Variants in PCDH11Y observed in about 807,000 individuals in gnomAD.
PCDH11Y encodes the protein protocadherin 11 Y-linked.
For synonymous variants in PCDH11Y, 9 were observed against 83.6 expected (o/e 0.11, Z 4.87); for missense variants, 12 against 224.8 (o/e 0.05, Z 6.05).
At chrY:5,517,100 C>A in intron 3 of PCDH11Y, among the ~76,000 whole-genome samples, 2 of 33,263 alleles carry the variant, frequency 6.0e-5, no homozygotes, top group African/African-American at 2.3e-4. Context: ...TAAAATCTAA[C>A]AAGAAAATCA....
At chrY:5,457,123 C>A (rs2053299075) in intron 2 of PCDH11Y, among the ~76,000 whole-genome samples, 1 of 33,622 alleles carries the variant, frequency 3.0e-5, no homozygotes, top group Non-Finnish European at 7.4e-5. Context: ...AAATAGCTGA[C>A]CAAACATGAG....
chrY:5,114,870 A>G, intron 2 of PCDH11Y, among the ~76,000 whole-genome samples: 3 of 31,554 alleles, frequency 9.5e-5, no homozygotes, highest in Non-Finnish European at 2.3e-4. Context: ...TCAACCTTAC[A>G]TAATTCTTAT....
At chrY:5,434,641 C>G in intron 2 of PCDH11Y, among the ~76,000 whole-genome samples, 1 of 32,411 alleles carries the variant, frequency 3.1e-5, no homozygotes. Context: ...ACTAGGATTA[C>G]TGTTACCACT....
intron 4 of PCDH11Y, among the ~76,000 whole-genome samples, chrY:5,627,664 G>A: frequency 6.1e-5 from 2 of 32,938 alleles, no homozygotes; most frequent in Non-Finnish European, 1.5e-4. Flanking sequence ...AATTACAGGC[G>A]TGAGCCACTG....
At chrY:5,634,906 T>G (rs1602954804) in intron 4 of PCDH11Y, among the ~76,000 whole-genome samples, 1 of 31,318 alleles carries the variant, frequency 3.2e-5, no homozygotes, top group Non-Finnish European at 7.6e-5. Flanking sequence ...TAATTAAAAT[T>G]TCTTCATCTG....
intron 4 of PCDH11Y, among the ~76,000 whole-genome samples, chrY:5,621,074 G>T (rs1602952673): frequency 4.2e-3 from 137 of 32,548 alleles, no homozygotes; most frequent in African/African-American, 0.015. Context: ...GAGATAAAGA[G>T]TATTCAAATA....
chrY:5,032,775 G>A (rs753800251), intron 3 of PCDH11Y: 1 of 303,260 alleles, frequency 3.3e-6, no homozygotes, highest in South Asian at 3.9e-5. Context: ...CTTTCCTCTG[G>A]GTCTTTTCAG....
chrY:5,410,377 A>T (rs2053245918), intron 2 of PCDH11Y, among the ~76,000 whole-genome samples: 1 of 32,444 alleles, frequency 3.1e-5, no homozygotes, highest in Admixed American at 2.8e-4. Context: ...TCTCAAAAAA[A>T]AAAAAATCAT....
intron 2 of PCDH11Y, among the ~76,000 whole-genome samples, chrY:5,500,389 T>C: frequency 3.1e-5 from 1 of 32,754 alleles, no homozygotes; most frequent in Non-Finnish European, 7.5e-5. Flanking sequence ...TCTTTATCTT[T>C]TTATTTGTAT....
chrY:5,620,671 C>T (rs2053498453), intron 4 of PCDH11Y, among the ~76,000 whole-genome samples: 1 of 32,957 alleles, frequency 3.0e-5, no homozygotes. Context: ...TATTGGCAAA[C>T]GAAAGCCAGC....
At chrY:5,620,563 A>G (rs2124702128) in intron 4 of PCDH11Y, among the ~76,000 whole-genome samples, 2 of 33,030 alleles carry the variant, frequency 6.1e-5, no homozygotes, top group East Asian at 1.6e-3. Flanking sequence ...TGAGGCTAGC[A>G]TTATCCTGAT....
chrY:5,539,012 AG>A, intron 3 of PCDH11Y, among the ~76,000 whole-genome samples: 1 of 28,462 alleles, frequency 3.5e-5, no homozygotes, highest in Admixed American at 3.4e-4. Context: ...AGATCTGTGA[AG>A]TAAAATTAGA....
At chrY:5,593,939 G>A in intron 4 of PCDH11Y, among the ~76,000 whole-genome samples, 2 of 33,305 alleles carry the variant, frequency 6.0e-5, no homozygotes, top group Non-Finnish European at 7.4e-5. Flanking sequence ...TTGATGGCTG[G>A]TGCCAGCCAA....
chrY:5,054,597 A>G, upstream of PCDH11Y, among the ~76,000 whole-genome samples: 1 of 27,058 alleles, frequency 3.7e-5, no homozygotes, highest in Non-Finnish European at 8.6e-5. Context: ...TAAGGGTAAG[A>G]TAAGAATAGA....
chrY:5,201,936 A>C (rs762163908), intron 2 of PCDH11Y, among the ~76,000 whole-genome samples: 700 of 33,503 alleles, frequency 0.021, no homozygotes, highest in Middle Eastern at 0.044. Flanking sequence ...GCTAGACCCA[A>C]ATTATTTTCA....
chrY:5,586,944 A>G (rs2053456904), intron 4 of PCDH11Y, among the ~76,000 whole-genome samples: 1 of 32,151 alleles, frequency 3.1e-5, no homozygotes, highest in African/African-American at 1.2e-4. Flanking sequence ...ATCTTCTATT[A>G]TTATTCTTTT....
chrY:5,504,579 A>G lies in PCDH11Y; in HGVS notation c.3328+3324A>G, dbSNP rs1602935371. Among the ~76,000 whole-genome samples, 4 of 31,595 alleles carry G rather than the reference A, an allele frequency of 1.3e-4. No individual in the cohort carries two copies. The East Asian group carries it at 3.3e-3, about 26-fold the overall frequency. 84.8% of individuals were successfully genotyped at this position (31,595 alleles called of 37,273 possible). Reference sequence around the variant, plus strand: ...AATAGAAACCCAATTCAAAAACAGCACTATTGATTGCTGCTGGGTTACTGT... The same window carrying G: ...AATAGAAACCCAATTCAAAAACAGCGCTATTGATTGCTGCTGGGTTACTGT... On this transcript the variant is annotated intron_variant, in intron 3 of 4. Transcript: ENST00000400457.
intron 2 of PCDH11Y, among the ~76,000 whole-genome samples, chrY:5,317,039 C>T: frequency 3.1e-5 from 1 of 32,494 alleles, no homozygotes; most frequent in Non-Finnish European, 7.5e-5. Flanking sequence ...ATGTTCCCAA[C>T]GTAGTCAAAG....
chrY:5,536,505 T>C (rs2124692294), intron 3 of PCDH11Y, among the ~76,000 whole-genome samples: 1 of 31,948 alleles, frequency 3.1e-5, no homozygotes, highest in African/African-American at 1.2e-4. Flanking sequence ...TTTCTTCCAC[T>C]CTGAGGGTTG....
Sources: allele counts gnomAD v4.1 joint callset (sites outside exome capture counted in the v4.1 genomes callset), GRCh38; gene constraint gnomAD v4.1.1; transcripts MANE v1.5; gene names NCBI Gene and HGNC (gene_info 2026-07-23, HGNC 2026-07-21).